Variants in ARHGAP22 observed in about 807,000 individuals in gnomAD.
ARHGAP22 encodes the protein Rho GTPase activating protein 22.
In ARHGAP22, 48 loss-of-function variants were observed where a neutral mutation model predicts 59.1. That is an observed-to-expected ratio of 0.81 (90% CI 0.64 to 1.03). ARHGAP22 has a LOEUF of 1.03. Ranked by LOEUF, ARHGAP22 falls within the 50% of genes least tolerant of loss-of-function variation. The pLI is 0.00. For missense variants in ARHGAP22, 1,015 were observed against 958.7 expected, an observed-to-expected ratio of 1.06 and a Z score of -0.78; for synonymous variants, 445 against 416.4, an observed-to-expected ratio of 1.07 and a Z score of -0.84.
intron 1 of ARHGAP22, among the ~76,000 whole-genome samples, chr10:48,588,666 G>T (rs1172178209): frequency 6.6e-6 from 1 of 152,154 alleles, no homozygotes; most frequent in African/African-American, 2.4e-5. Context: ...GCACACGCAG[G>T]ACCATCCATT....
intron 1 of ARHGAP22, among the ~76,000 whole-genome samples, chr10:48,587,641 G>T (rs1276457549): frequency 2.6e-5 from 4 of 152,200 alleles, no homozygotes; most frequent in Non-Finnish European, 5.9e-5. Flanking sequence ...GGGCTATGGA[G>T]AACATTTTGT....
At chr10:48,529,527 A>G (rs750115776) in intron 3 of ARHGAP22, among the ~76,000 whole-genome samples, 2 of 152,184 alleles carry the variant, frequency 1.3e-5, no homozygotes, top group African/African-American at 2.4e-5. Flanking sequence ...GTTGTGCTGC[A>G]AGAACCCCAA....
Position 48,454,993 on chromosome 10 carries a change from G to A in ARHGAP22, c.792+9C>T. On this transcript the variant is annotated intron_variant, in intron 6 of 9. Coordinates refer to ENST00000249601, the MANE Select transcript of ARHGAP22 (RefSeq NM_021226.4). ...CATCTCCCAGGAGCTATCCCCAGGA[G>A]CCACTGACCTCCCCCTCGTCCTTGG... 1.3e-6 allele frequency: 2 copies of A among 1,585,884 alleles called. No individual in the cohort carries two copies. The highest frequency in any genetic ancestry group is 1.7e-5 in the Admixed American group (1 of 58,632).
Position 48,602,465 on chromosome 10 carries a change from A to C in ARHGAP22, c.34+2298T>G, listed in dbSNP as rs527934273. On this transcript the variant is annotated intron_variant, in intron 1 of 9. Transcript: ENST00000249601. ...AAAAACAGGTACATCTAGAAAAAAA[A>C]CCCACTCTAATATAAAAATAAAGGG... 2.1e-3 allele frequency among the ~76,000 whole-genome samples: 325 copies of C among 152,340 alleles called. 1 individual carries two copies. The highest frequency in any genetic ancestry group is 5.9e-3 in the African/African-American group (246 of 41,578).
chr10:48,516,450 C>G (rs1225011436), intron 3 of ARHGAP22, among the ~76,000 whole-genome samples: 1 of 152,082 alleles, frequency 6.6e-6, no homozygotes, highest in East Asian at 1.9e-4. Context: ...ATTGCTGGAG[C>G]CCAGAGGTTT....
chr10:48,612,841 C>T (rs927440086), intron 1 of ARHGAP22, among the ~76,000 whole-genome samples: 5 of 152,122 alleles, frequency 3.3e-5, no homozygotes, highest in African/African-American at 1.2e-4. Context: ...TGGTGCAGTC[C>T]CCCACTTTTC....
At chr10:48,633,409 AT>A (rs1323627959) in intron 1 of ARHGAP22, among the ~76,000 whole-genome samples, 1 of 152,262 alleles carries the variant, frequency 6.6e-6, no homozygotes, top group Admixed American at 6.5e-5. Flanking sequence ...AAAGGAAACA[AT>A]TCTCAGCCAG....
intron 3 of ARHGAP22, among the ~76,000 whole-genome samples, chr10:48,534,894 T>A (rs1012929535): frequency 6.6e-6 from 1 of 152,132 alleles, no homozygotes; most frequent in African/African-American, 2.4e-5. Flanking sequence ...ATAGGAAAAA[T>A]TCATTTTACA....
chr10:48,590,389 G>A (rs2059678869), intron 1 of ARHGAP22, among the ~76,000 whole-genome samples: 1 of 152,066 alleles, frequency 6.6e-6, no homozygotes, highest in Non-Finnish European at 1.5e-5. Context: ...GGGGTCAGAG[G>A]TTAGCATGAG....
At chr10:48,631,467 T>C (rs572941792) in intron 1 of ARHGAP22, among the ~76,000 whole-genome samples, 1 of 152,364 alleles carries the variant, frequency 6.6e-6, no homozygotes, top group African/African-American at 2.4e-5. Context: ...GTCATTTATT[T>C]AACTTCTTTA....
At chr10:48,652,217 C>G in intron 1 of ARHGAP22, 1 of 1,532,832 alleles carries the variant, frequency 6.5e-7, no homozygotes, top group Non-Finnish European at 8.7e-7. Flanking sequence ...CCACATAGAA[C>G]ATAAAAAAAT....
chr10:48,487,814 C>T (rs1349685921), intron 3 of ARHGAP22, among the ~76,000 whole-genome samples: 1 of 152,208 alleles, frequency 6.6e-6, no homozygotes, highest in South Asian at 2.1e-4. Flanking sequence ...CGCCTGTAAT[C>T]CCAGCACTTT....
At chr10:48,582,181 C>T (rs544966648) in intron 2 of ARHGAP22, among the ~76,000 whole-genome samples, 1 of 152,294 alleles carries the variant, frequency 6.6e-6, no homozygotes, top group Admixed American at 6.5e-5. Flanking sequence ...CCTGTGACAC[C>T]GAACAGGGGA....
chr10:48,573,419 C>T (rs1047699923), intron 2 of ARHGAP22, among the ~76,000 whole-genome samples: 3 of 152,168 alleles, frequency 2.0e-5, no homozygotes, highest in Non-Finnish European at 2.9e-5. Flanking sequence ...TTCTCTATCA[C>T]GCAAGATCCT....
At chr10:48,618,926 T>G (rs2061186250) in intron 1 of ARHGAP22, among the ~76,000 whole-genome samples, 1 of 152,110 alleles carries the variant, frequency 6.6e-6, no homozygotes, top group South Asian at 2.1e-4. Flanking sequence ...TCTTTGCAAA[T>G]GACATGATCT....
chr10:48,518,150 T>A (rs1250239906), intron 3 of ARHGAP22, among the ~76,000 whole-genome samples: 1 of 152,046 alleles, frequency 6.6e-6, no homozygotes, highest in African/African-American at 2.4e-5. Flanking sequence ...GCCAGAAGCC[T>A]CAAGGTTCAG....
At chr10:48,525,442 G>A (rs920348667) in intron 3 of ARHGAP22, among the ~76,000 whole-genome samples, 3 of 152,174 alleles carry the variant, frequency 2.0e-5, no homozygotes, top group Non-Finnish European at 2.9e-5. Context: ...GCATGGTAGC[G>A]CACACCTGTA....
chr10:48,494,541 AT>A (rs2050730778), intron 3 of ARHGAP22, among the ~76,000 whole-genome samples: 1 of 152,048 alleles, frequency 6.6e-6, no homozygotes, highest in African/African-American at 2.4e-5. Context: ...CCATTTCTCC[AT>A]CCATCTGTCC....
chr10:48,475,940 C>T (rs949533220), intron 4 of ARHGAP22, among the ~76,000 whole-genome samples: 7 of 152,190 alleles, frequency 4.6e-5, no homozygotes, highest in South Asian at 2.1e-4. Context: ...GCTGTTCTTC[C>T]GGGATGGGCC....
Sources: gnomAD v4.1 joint callset for allele counts (sites outside exome capture counted in the v4.1 genomes callset) on GRCh38, gnomAD v4.1.1 for gene constraint, MANE v1.5 for transcripts, NCBI Gene and HGNC (gene_info 2026-07-23, HGNC 2026-07-21) for gene names.